The following BIVM variants were observed in gnomAD, a reference collection of about 807,000 sequenced individuals.
BIVM encodes the protein basic, immunoglobulin-like variable motif containing.
BIVM carries 31 observed loss-of-function variants against 61.4 expected under a neutral mutation model. The ratio of observed to expected loss-of-function variants is 0.51; its 90% CI spans 0.38 to 0.68. The LOEUF (loss-of-function observed/expected upper bound fraction) is 0.68. BIVM is among the 30% of genes least tolerant of loss of function. The probability of loss-of-function intolerance (pLI) is 0.00; values close to 1 mark genes in which losing one functional copy is unlikely to be tolerated. For synonymous variants in BIVM, 189 were observed against 210.7 expected (o/e 0.90, Z 0.89); for missense variants, 526 against 596.0 (o/e 0.88, Z 1.22).
chr13:102,829,637 G>A (rs2140490264), intron 7 of BIVM, among the ~76,000 whole-genome samples: 1 of 152,074 alleles, frequency 6.6e-6, no homozygotes, highest in South Asian at 2.1e-4. Flanking sequence ...TTGGGAATTT[G>A]AGACCAGCCT....
chr13:102,808,531 T>C lies in BIVM; in HGVS notation c.478+786T>C, dbSNP rs192606538. On this transcript the variant is annotated intron_variant, in intron 3 of 10. Coordinates refer to ENST00000257336, the MANE Select transcript of BIVM (RefSeq NM_017693.4). ...CTTGTTTATCTGCAAAATCAATTTGTTTCATAGAATTTTAGGTAAATTTGT... is the reference window on the plus strand; with the variant it reads ...CTTGTTTATCTGCAAAATCAATTTGCTTCATAGAATTTTAGGTAAATTTGT... Among the ~76,000 whole-genome samples the C allele has an allele frequency of 2.0e-3, 307 of 152,276 alleles. 2 individuals carry two copies. The highest frequency in any genetic ancestry group is 7.1e-3 in the African/African-American group (295 of 41,558).
rs753116764 is a variant in BIVM, at chr13:102,807,479, C to T, written c.212C>T (p.Ser71Leu). The T allele has an allele frequency of 2.5e-5, 40 of 1,614,044 alleles. No homozygotes were observed. Among genetic ancestry groups the T allele is most frequent in the East Asian group, 8.9e-5 (4 of 44,894 alleles). ...HTREKIYAIC[S>L]DYAFLNQATS... ...CGGGAAAAAATTTATGCCATCTGTT[C>T]GGACTATGCCTTTCTCAACCAGGCG... Residue 71 changes from serine (S) to leucine (L), a missense_variant, in exon 3 of 11, where the codon TCG (serine) becomes TTG (leucine). By Grantham distance (145) the Ser-to-Leu change is moderately radical. This residue lies in a region of BIVM where 312 missense variants were observed against 343.8 expected (regional missense o/e 0.91). Transcript: ENST00000257336. This position sits in a 1 kb window ranked among gnomAD's most constrained non-coding sequence, Gnocchi z 4.0.
At chr13:102,806,312 C>T (rs150988354) in intron 2 of BIVM, among the ~76,000 whole-genome samples, 89 of 152,174 alleles carry the variant, frequency 5.8e-4, no homozygotes, top group Admixed American at 2.0e-3. Context: ...TGTAGTGGCG[C>T]GATCTCGGCT....
chr13:102,825,003 C>T (rs951836779), intron 7 of BIVM, among the ~76,000 whole-genome samples: 90 of 151,822 alleles, frequency 5.9e-4, no homozygotes, highest in African/African-American at 2.1e-3. Context: ...AGTTCAGTGG[C>T]GCGATCTTGG....
Position 102,821,096 on chromosome 13 carries a change from G to C in BIVM, c.665G>C (p.Cys222Ser). The C allele has an allele frequency of 6.2e-7, 1 of 1,613,446 alleles. No individual in the cohort carries two copies. ...TGTGGCATCTCTTCATTAATTTCTT[G>C]TTGGAATTTCTTATACAGCACAATG... The part of the protein sequence containing the change: ...TSCGISSLIS[C>S]WNFLYSTMGA... Residue 222 changes from cysteine to serine, a missense_variant, in exon 5 of 11, where the codon TGT becomes TCT. Cys to Ser is a moderately radical substitution (Grantham distance 112). Transcript: ENST00000257336.
At chr13:102,819,512 G>T (rs1381834387) in intron 4 of BIVM, among the ~76,000 whole-genome samples, 10 of 152,102 alleles carry the variant, frequency 6.6e-5, no homozygotes, top group Non-Finnish European at 1.5e-4. Flanking sequence ...CAGATTTAGG[G>T]CTCGTGGCAC....
chr13:102,813,272 A>G (rs897001422), intron 3 of BIVM, among the ~76,000 whole-genome samples: 10 of 152,170 alleles, frequency 6.6e-5, no homozygotes, highest in African/African-American at 2.4e-4. Flanking sequence ...TTCTTCCTGA[A>G]TTGACCCTTT....
chr13:102,828,830 A>G (rs1880856354), intron 7 of BIVM, among the ~76,000 whole-genome samples: 1 of 152,030 alleles, frequency 6.6e-6, no homozygotes, highest in Non-Finnish European at 1.5e-5. Flanking sequence ...GGAGTTTGAG[A>G]CTATCCTGGC....
At chr13:102,810,793 C>A (rs931830963) in intron 3 of BIVM, among the ~76,000 whole-genome samples, 1 of 152,156 alleles carries the variant, frequency 6.6e-6, no homozygotes, top group African/African-American at 2.4e-5. Context: ...TGCAGTGGCA[C>A]GACCATGGCT....
chr13:102,821,976 T>C (rs942233552), intron 6 of BIVM, 89 bp from the exon 7 acceptor site: 2 of 1,547,542 alleles, frequency 1.3e-6, no homozygotes, highest in Admixed American at 3.4e-5. Flanking sequence ...ATACCAACTT[T>C]GGGCTATGCC....
intron 4 of BIVM, 116 bp from the exon 5 acceptor site, chr13:102,820,921 C>T: frequency 2.2e-6 from 2 of 898,152 alleles, no homozygotes; most frequent in South Asian, 1.5e-5. Flanking sequence ...TTTACATTGA[C>T]TTAGGGGATC....
In BIVM at chr13:102,840,856, T is replaced by C. The variant is rs1487822800; in HGVS notation, c.*991T>C. On this transcript the variant is annotated 3_prime_UTR_variant, in exon 11 of 11. Transcript: ENST00000257336. ...GTCTAGATGACGTTTGCCTTAGGGG[T>C]AAAGTAAAAGAACAATTGGCACCTT... The C allele has an allele frequency of 6.6e-6, 1 of 152,054 alleles. No homozygotes were observed. The highest frequency in any genetic ancestry group is 1.5e-5 in the Non-Finnish European group (1 of 68,008). 9.4% of individuals were successfully genotyped at this position (152,054 alleles called of 1,614,324 possible).
intron 9 of BIVM, among the ~76,000 whole-genome samples, chr13:102,835,642 C>T (rs754752196): frequency 2.0e-5 from 3 of 152,188 alleles, no homozygotes; most frequent in Admixed American, 6.5e-5. Flanking sequence ...AAGAGATTCT[C>T]CTGCCGTAGC....
chr13:102,834,848 C>T (rs949834510), intron 9 of BIVM, among the ~76,000 whole-genome samples: 2 of 152,150 alleles, frequency 1.3e-5, no homozygotes, highest in Non-Finnish European at 2.9e-5. Flanking sequence ...TCTTAAGTAA[C>T]ATTTTTGAGA....
intron 6 of BIVM, 85 bp from the exon 7 acceptor site, chr13:102,821,980 C>T: frequency 6.4e-7 from 1 of 1,554,310 alleles, no homozygotes; most frequent in Non-Finnish European, 8.8e-7. Context: ...CAACTTTGGG[C>T]TATGCCTGAA....
At position 102,812,074 on chromosome 13, in the gene BIVM, C is replaced by CT. The variant is rs952836652; in HGVS notation, c.478+4338dup. On this transcript the variant is annotated intron_variant, in intron 3 of 10. Transcript: ENST00000257336. ...AAGGTCTGTTTACTTTTCTTCAGAC[C>CT]TTTTTTTTTCTGTTCCTCATACTCA... 2.0e-3 allele frequency among the ~76,000 whole-genome samples: 306 copies of CT among 151,390 alleles called. 1 individual carries two copies. Among genetic ancestry groups the CT allele is most frequent in the African/African-American group, 7.1e-3 (295 of 41,274 alleles).
At chr13:102,819,939 G>A (rs1880125000) in intron 4 of BIVM, among the ~76,000 whole-genome samples, 2 of 152,018 alleles carry the variant, frequency 1.3e-5, no homozygotes, top group South Asian at 4.2e-4. Flanking sequence ...TTGTTTCATT[G>A]TGGCTACTTC....
rs1595337381 is a variant in BIVM at position 102,811,117 on chromosome 13, C to A, written c.478+3372C>A. 2.0e-5 allele frequency among the ~76,000 whole-genome samples: 3 copies of A among 152,330 alleles called. No homozygotes were observed. In the South Asian group the frequency reaches 6.2e-4, roughly 32 times the overall value. ...AGAATACAAAAACTGGAGTTGCAAACTAACAAAATAACACTGGCTTTTATA... is the reference window on the plus strand; with the variant it reads ...AGAATACAAAAACTGGAGTTGCAAAATAACAAAATAACACTGGCTTTTATA... On this transcript the variant is annotated intron_variant, in intron 3 of 10. Transcript: ENST00000257336.
rs1880485483 is a variant in BIVM at position 102,824,079 on chromosome 13, C to T, written c.901+1920C>T. On this transcript the variant is annotated intron_variant, in intron 7 of 10. Transcript: ENST00000257336. The stretch of plus-strand genomic sequence containing the variant: ...GGTCCAAAAGATTTTTATGGTCATT[C>T]TCCAGTTATTAGAAGGTATAATAAT... 2.0e-5 allele frequency among the ~76,000 whole-genome samples: 3 copies of T among 152,170 alleles called. No homozygotes were observed. In the South Asian group the frequency reaches 6.2e-4, roughly 32 times the overall value.
Sources: gnomAD v4.1 joint callset for allele counts (sites outside exome capture counted in the v4.1 genomes callset) on GRCh38, gnomAD v4.1.1 for gene constraint, gnomAD v4.1.1 regional missense constraint, Gnocchi (gnomAD v3.1) non-coding constraint, MANE v1.5 for transcripts, NCBI Gene and HGNC (gene_info 2026-07-23, HGNC 2026-07-21) for gene names.